The following FAAH2 variants were observed in gnomAD, a reference collection of about 807,000 sequenced individuals.
FAAH2 encodes the protein fatty-acid amide hydrolase 2.
In FAAH2, 60 loss-of-function variants were observed where a neutral mutation model predicts 36.9. The ratio of observed to expected loss-of-function variants is 1.63; its 90% CI spans 1.32 to 2.02. The LOEUF (loss-of-function observed/expected upper bound fraction) is 2.02, where lower values mean the gene tolerates loss of function less well. FAAH2 is among the 30% of genes most tolerant of loss of function. The probability of loss-of-function intolerance (pLI) is 0.00; values close to 1 mark genes in which losing one functional copy is unlikely to be tolerated. For synonymous variants in FAAH2, 214 were observed against 143.8 expected, an observed-to-expected ratio of 1.49 and a Z score of -3.49; for missense variants, 689 against 397.5, an observed-to-expected ratio of 1.73 and a Z score of -6.23.
the FAAH2 span, among the ~76,000 whole-genome samples, chrX:57,186,810 TA>T: frequency 8.9e-6 from 1 of 112,153 alleles, no homozygotes; most frequent in Admixed American, 9.4e-5. Context: ...CGCCATTTAT[TA>T]AGTAAAGAAT....
chrX:57,448,766 T>A, intron 10 of FAAH2, 48 bp downstream of exon 10: 3 of 1,105,917 alleles, frequency 2.7e-6, no homozygotes, highest in Non-Finnish European at 2.5e-6. Context: ...GAAATAGAGA[T>A]GTATGTTTCC....
intron 8 of FAAH2, among the ~76,000 whole-genome samples, chrX:57,438,850 T>C (rs2056477747): frequency 9.8e-6 from 1 of 102,287 alleles, no homozygotes; most frequent in Non-Finnish European, 2.0e-5. Context: ...GAACATGCGG[T>C]GTTTGGTTTT....
intron 7 of FAAH2, among the ~76,000 whole-genome samples, chrX:57,397,636 C>T (rs1569317343): frequency 9.0e-6 from 1 of 110,540 alleles, no homozygotes; most frequent in East Asian, 2.8e-4. Context: ...CTGAGAAGTC[C>T]ACTGTTTGAC....
chrX:57,252,117 C>T, the FAAH2 span, among the ~76,000 whole-genome samples: 1 of 112,712 alleles, frequency 8.9e-6, no homozygotes, highest in Non-Finnish European at 1.9e-5. Context: ...TTGCTCGCTG[C>T]TAGTGAATCA....
intron 2 of FAAH2, among the ~76,000 whole-genome samples, chrX:57,309,162 T>C (rs2052623470): frequency 8.9e-6 from 1 of 112,326 alleles, no homozygotes; most frequent in Non-Finnish European, 1.9e-5. Flanking sequence ...CTTTAGTGAT[T>C]GTATTACCAC....
chrX:57,277,541 C>T, the FAAH2 span, among the ~76,000 whole-genome samples: 1 of 111,987 alleles, frequency 8.9e-6, no homozygotes, highest in Non-Finnish European at 1.9e-5. Context: ...CTCACCACTC[C>T]TATTCAACAT....
chrX:57,323,374 G>C (rs775588111), intron 3 of FAAH2, among the ~76,000 whole-genome samples: 1 of 111,556 alleles, frequency 9.0e-6, no homozygotes, highest in Admixed American at 9.6e-5. Flanking sequence ...GGGTCAAATG[G>C]TATTTCTAGT....
At chrX:57,345,540 G>A (rs1229346509) in intron 5 of FAAH2, among the ~76,000 whole-genome samples, 2 of 110,063 alleles carry the variant, frequency 1.8e-5, no homozygotes, top group African/African-American at 6.6e-5. Context: ...TGTTAATCTA[G>A]CCAGCAGTCT....
chrX:57,416,046 A>C (rs2055833948), intron 7 of FAAH2, among the ~76,000 whole-genome samples: 1 of 110,961 alleles, frequency 9.0e-6, no homozygotes, highest in South Asian at 3.8e-4. Flanking sequence ...GTAGGATTGC[A>C]ACCCCTGCTT....
At chrX:57,453,388 C>T (rs1404213133) in intron 10 of FAAH2, among the ~76,000 whole-genome samples, 2 of 112,788 alleles carry the variant, frequency 1.8e-5, no homozygotes, top group African/African-American at 6.4e-5. Context: ...AGCCAGCAGG[C>T]CATGCCTGCT....
intron 8 of FAAH2, among the ~76,000 whole-genome samples, chrX:57,443,182 C>A (rs772548201): frequency 1.8e-5 from 2 of 112,032 alleles, no homozygotes; most frequent in Non-Finnish European, 3.8e-5. Context: ...TTGAAGTTCT[C>A]CTGGATAATA....
the FAAH2 span, among the ~76,000 whole-genome samples, chrX:57,195,860 C>T: frequency 8.9e-6 from 1 of 112,026 alleles, no homozygotes; most frequent in African/African-American, 3.2e-5. Context: ...GAAAGCATGT[C>T]CTTTCCTTAC....
At chrX:57,151,627 T>C in the FAAH2 span, among the ~76,000 whole-genome samples, 1 of 111,892 alleles carries the variant, frequency 8.9e-6, no homozygotes, top group African/African-American at 3.2e-5. Context: ...CTTGAAGGAC[T>C]TCTCTGCATT....
the FAAH2 span, among the ~76,000 whole-genome samples, chrX:57,177,548 C>G: frequency 1.4e-5 from 1 of 72,161 alleles, no homozygotes; most frequent in African/African-American, 4.9e-5. Flanking sequence ...CAAATCTTTT[C>G]TTTTTTATTA....
chrX:57,358,784 G>C (rs1022883630), intron 5 of FAAH2, among the ~76,000 whole-genome samples: 3 of 111,250 alleles, frequency 2.7e-5, no homozygotes, highest in African/African-American at 6.5e-5. Flanking sequence ...TTACATTTTT[G>C]GGGGATCTTC....
At chrX:57,482,456 G>A (rs971206886) in intron 10 of FAAH2, among the ~76,000 whole-genome samples, 7 of 111,460 alleles carry the variant, frequency 6.3e-5, no homozygotes, top group African/African-American at 2.3e-4. Context: ...TAGCTGGGTA[G>A]CGCAGTCCTT....
In FAAH2 at chrX:57,317,331, G is replaced by A. The variant is rs184384325; in HGVS notation, c.412+6602G>A. ...AAAAGGATGGAGGAATATTTATCAA[G>A]CAAATGTAAAGCGAAAAAGAGCAGG... On this transcript the variant is annotated intron_variant, in intron 3 of 10. Transcript: ENST00000374900. Among the ~76,000 whole-genome samples the A allele has an allele frequency of 2.7e-5, 3 of 112,322 alleles. No individual in the cohort carries two copies. The Admixed American group carries it at 2.8e-4, about 11-fold the overall frequency.
chrX:57,184,410 C>A, the FAAH2 span, among the ~76,000 whole-genome samples: 1 of 112,171 alleles, frequency 8.9e-6, no homozygotes. Flanking sequence ...TGTATTGTCA[C>A]CCTGGTGGCC....
chrX:57,434,373 G>T (rs1469056728), intron 8 of FAAH2, among the ~76,000 whole-genome samples: 1 of 109,966 alleles, frequency 9.1e-6, no homozygotes, highest in Non-Finnish European at 1.9e-5. Context: ...ACCACACCTG[G>T]ACCTTAAATG....
Sources: gnomAD v4.1 joint callset for allele counts (sites outside exome capture counted in the v4.1 genomes callset) on GRCh38, gnomAD v4.1.1 for gene constraint, MANE v1.5 for transcripts, NCBI Gene and HGNC (gene_info 2026-07-23, HGNC 2026-07-21) for gene names.